The following OPCML variants were observed in gnomAD, a reference collection of about 807,000 sequenced individuals.
OPCML encodes opioid-binding protein/cell adhesion molecule.
Under a neutral mutation model 37.8 loss-of-function variants are expected in OPCML, and 13 were observed. The observed-to-expected ratio is 0.34, with a 90% CI of 0.22 to 0.55. The LOEUF (loss-of-function observed/expected upper bound fraction) is 0.55. Among genes scored for constraint, OPCML ranks in the 20% least tolerant of loss-of-function variants. The pLI is 0.91. For missense variants in OPCML, 341 were observed against 435.6 expected (o/e 0.78, Z 1.93); for synonymous variants, 176 against 168.8 (o/e 1.04, Z -0.33).
At position 132,704,450 on chromosome 11, in the gene OPCML, G is replaced by T. The variant is rs540420385; in HGVS notation, c.147-47131C>A. On this transcript the variant is annotated intron_variant, in intron 2 of 7. Coordinates refer to ENST00000524381, the MANE Select transcript of OPCML (RefSeq NM_001012393.5). Reference sequence around the variant, plus strand: ...AGTAGCAGTAAGGCAGGTCTAGAAAGCAAGTAGTTTAGGTGAGAACTAGAA... The same window carrying T: ...AGTAGCAGTAAGGCAGGTCTAGAAATCAAGTAGTTTAGGTGAGAACTAGAA... Among the ~76,000 whole-genome samples the T allele has an allele frequency of 5.9e-5, 9 of 152,294 alleles. No individual in the cohort carries two copies. The South Asian group carries it at 1.9e-3, about 32-fold the overall frequency.
chr11:133,288,846 A>C, intron 1 of OPCML, among the ~76,000 whole-genome samples: 1 of 152,120 alleles, frequency 6.6e-6, no homozygotes, highest in South Asian at 2.1e-4. Flanking sequence ...TGTCGGCCAA[A>C]GGCTCATGGT....
At chr11:132,959,567 G>A (rs1946047248) in intron 1 of OPCML, among the ~76,000 whole-genome samples, 1 of 152,226 alleles carries the variant, frequency 6.6e-6, no homozygotes, top group Non-Finnish European at 1.5e-5. Flanking sequence ...CAGTGCAAGG[G>A]ATTAGATGGC....
chr11:133,253,760 T>C (rs551106895), intron 1 of OPCML, among the ~76,000 whole-genome samples: 9 of 152,170 alleles, frequency 5.9e-5, no homozygotes, highest in Admixed American at 1.3e-4. Context: ...GCAAGTTAAG[T>C]GCAGGGAAGC....
At chr11:132,797,354 A>G (rs1938387548) in intron 2 of OPCML, among the ~76,000 whole-genome samples, 1 of 152,194 alleles carries the variant, frequency 6.6e-6, no homozygotes, top group South Asian at 2.1e-4. Flanking sequence ...CATTTTTTGT[A>G]AAGACAATTC....
intron 3 of OPCML, among the ~76,000 whole-genome samples, chr11:132,565,835 C>G (rs1160777929): frequency 1.3e-5 from 2 of 152,184 alleles, no homozygotes; most frequent in Admixed American, 6.5e-5. Flanking sequence ...GAGTTCAAGA[C>G]TAGCCTGGCC....
chr11:133,383,999 G>A (rs1276439660), intron 1 of OPCML, among the ~76,000 whole-genome samples: 1 of 152,014 alleles, frequency 6.6e-6, no homozygotes, highest in African/African-American at 2.4e-5. Context: ...AGTGCCCCAG[G>A]AGAGTGTCAC....
intron 1 of OPCML, among the ~76,000 whole-genome samples, chr11:133,222,323 G>T (rs568222159): frequency 6.6e-6 from 1 of 152,362 alleles, no homozygotes; most frequent in South Asian, 2.1e-4. Flanking sequence ...TCACTCGCCA[G>T]GCAGGAGGTG....
intron 2 of OPCML, among the ~76,000 whole-genome samples, chr11:132,759,282 C>A (rs759253757): frequency 2.0e-4 from 30 of 152,080 alleles, no homozygotes; most frequent in Non-Finnish European, 2.8e-4. Flanking sequence ...GCGTCTCTGC[C>A]AGGTTTTGGT....
intron 1 of OPCML, among the ~76,000 whole-genome samples, chr11:133,274,016 GCACA>G (rs1432978637): frequency 6.6e-6 from 1 of 152,040 alleles, no homozygotes; most frequent in Admixed American, 6.6e-5. Flanking sequence ...AAACATATTT[GCACA>G]CATACATATA....
intron 1 of OPCML, chr11:133,422,469 T>G: frequency 1.0e-6 from 1 of 982,326 alleles, no homozygotes; most frequent in Non-Finnish European, 1.2e-6. Context: ...GAGGAAGTCT[T>G]ACCCATGTTA....
intron 1 of OPCML, among the ~76,000 whole-genome samples, chr11:133,367,432 T>G (rs1944569273): frequency 6.6e-6 from 1 of 152,204 alleles, no homozygotes; most frequent in Non-Finnish European, 1.5e-5. Flanking sequence ...GTAAATGGAA[T>G]GGAAAAATGG....
chr11:132,903,376 T>C (rs1296155013), intron 2 of OPCML, among the ~76,000 whole-genome samples: 1 of 152,204 alleles, frequency 6.6e-6, no homozygotes, highest in Non-Finnish European at 1.5e-5. Flanking sequence ...TTCTCTCTTA[T>C]TTATCAAATT....
At chr11:132,430,305 T>G (rs1592161849) in intron 7 of OPCML, among the ~76,000 whole-genome samples, 1 of 147,074 alleles carries the variant, frequency 6.8e-6, no homozygotes, top group African/African-American at 2.5e-5. Context: ...AGGAGGGAGG[T>G]GGGGGATAAG....
At chr11:132,797,126 A>G (rs1044533529) in intron 2 of OPCML, among the ~76,000 whole-genome samples, 1 of 152,144 alleles carries the variant, frequency 6.6e-6, no homozygotes, top group Non-Finnish European at 1.5e-5. Flanking sequence ...AATCCAACTT[A>G]CCTTTTTCTT....
intron 2 of OPCML, among the ~76,000 whole-genome samples, chr11:132,659,863 T>C (rs1941881105): frequency 1.3e-5 from 2 of 152,194 alleles, no homozygotes; most frequent in East Asian, 1.9e-4. Context: ...AACTTGTTTT[T>C]CCACTATATA....
intron 4 of OPCML, among the ~76,000 whole-genome samples, chr11:132,521,776 TAAAATTA>T (rs2137250481): frequency 6.6e-6 from 1 of 152,254 alleles, no homozygotes; most frequent in South Asian, 2.1e-4. Context: ...AAATTAAAAT[TAAAATTA>T]AAAATTAAAA....
At chr11:132,886,719 G>T (rs1055993396) in intron 2 of OPCML, among the ~76,000 whole-genome samples, 1 of 152,212 alleles carries the variant, frequency 6.6e-6, no homozygotes, top group African/African-American at 2.4e-5. Flanking sequence ...TGTGCTGGGG[G>T]AGTCGTGGCC....
intron 3 of OPCML, among the ~76,000 whole-genome samples, chr11:132,612,860 G>T (rs1938743682): frequency 6.6e-6 from 1 of 152,134 alleles, no homozygotes; most frequent in African/African-American, 2.4e-5. Context: ...TTCTGTTTGT[G>T]GGAAATTCTG....
intron 1 of OPCML, among the ~76,000 whole-genome samples, chr11:133,117,077 A>G (rs1458130381): frequency 1.3e-5 from 2 of 152,092 alleles, no homozygotes; most frequent in Non-Finnish European, 2.9e-5. Context: ...AACATCTGCT[A>G]TTTTTGTTAC....
Sources: allele counts gnomAD v4.1 joint callset (sites outside exome capture counted in the v4.1 genomes callset), GRCh38; gene constraint gnomAD v4.1.1; transcripts MANE v1.5; gene names NCBI Gene and HGNC (gene_info 2026-07-23, HGNC 2026-07-21).